The following ERCC8 variants were observed in gnomAD, a reference collection of about 807,000 sequenced individuals.
ERCC8 encodes the protein DNA excision repair protein ERCC-8.
ERCC8 carries 52 observed loss-of-function variants against 54.9 expected under a neutral mutation model. The ratio of observed to expected loss-of-function variants is 0.95; its 90% CI spans 0.76 to 1.19. The LOEUF (loss-of-function observed/expected upper bound fraction) is 1.19. Among genes scored for constraint, ERCC8 ranks in the 50% most tolerant of loss-of-function variants. ERCC8 has a pLI of 0.00. For synonymous variants in ERCC8, 146 were observed against 157.2 expected (o/e 0.93, Z 0.53); for missense variants, 514 against 466.1 (o/e 1.10, Z -0.95).
chr5:60,887,996 T>C (rs1242939787), intron 10 of ERCC8, among the ~76,000 whole-genome samples: 1 of 152,200 alleles, frequency 6.6e-6, no homozygotes, highest in Non-Finnish European at 1.5e-5. Flanking sequence ...GTATATCCCA[T>C]GCCTGTTGAG....
intron 2 of ERCC8, among the ~76,000 whole-genome samples, chr5:60,927,580 T>C (rs1009538494): frequency 5.3e-5 from 8 of 152,228 alleles, no homozygotes; most frequent in Non-Finnish European, 1.2e-4. Flanking sequence ...CTCTGCCAAC[T>C]GGTAGTCTAC....
At chr5:60,926,750 T>C (rs1037435396) in intron 2 of ERCC8, among the ~76,000 whole-genome samples, 1 of 152,234 alleles carries the variant, frequency 6.6e-6, no homozygotes, top group Non-Finnish European at 1.5e-5. Flanking sequence ...CAAAACACTT[T>C]TGCTTCGTAA....
rs57423118 is a variant in ERCC8, at chr5:60,870,482, T to TAAAAAA, written c.*4127_*4132dup. ...CAACATGGTGAAACCCCACCTCTGC[T>TAAAAAA]AAAAAAAAAAAAAAAAAAAAAAAAA... is the stretch of plus-strand genomic sequence containing the variant. On this transcript the variant is annotated 3_prime_UTR_variant, in exon 12 of 12. Transcript: ENST00000676185. 6.4e-3 allele frequency among the ~76,000 whole-genome samples: 311 copies of TAAAAAA among 48,762 alleles called. 17 individuals carry two copies. Among genetic ancestry groups the TAAAAAA allele is most frequent in the Non-Finnish European group, 8.3e-3 (242 of 29,318 alleles). The allele number at this position is 48,762 out of a possible 152,430, so 32.0% of individuals were successfully genotyped here.
At chr5:60,914,540 C>T (rs773583014) in intron 4 of ERCC8, among the ~76,000 whole-genome samples, 4 of 151,642 alleles carry the variant, frequency 2.6e-5, no homozygotes, top group Non-Finnish European at 5.9e-5. Context: ...CTTGTAATCC[C>T]AACACTTTCA....
At chr5:60,942,682 A>C (rs1341340468) in intron 1 of ERCC8, among the ~76,000 whole-genome samples, 2 of 152,156 alleles carry the variant, frequency 1.3e-5, no homozygotes, top group African/African-American at 4.8e-5. Flanking sequence ...ACCGTCAAAA[A>C]TTTTTTAGGG....
chr5:60,939,685 G>A (rs1254773852), intron 1 of ERCC8, among the ~76,000 whole-genome samples: 1 of 151,936 alleles, frequency 6.6e-6, no homozygotes, highest in South Asian at 2.1e-4. Flanking sequence ...TAGTAGAGAT[G>A]GGGTTTTGCC....
intron 10 of ERCC8, among the ~76,000 whole-genome samples, chr5:60,889,878 C>A (rs777488186): frequency 1.3e-5 from 2 of 152,050 alleles, no homozygotes; most frequent in Non-Finnish European, 2.9e-5. Context: ...ATGGGATATA[C>A]CTTCTTATTG....
chr5:60,874,551 T>A lies in ERCC8; in HGVS notation c.*64A>T. The A allele has an allele frequency of 7.0e-7, 1 of 1,424,574 alleles. No homozygotes were observed. Among genetic ancestry groups the A allele is most frequent in the East Asian group, 2.3e-5 (1 of 43,844 alleles). 88.2% of individuals were successfully genotyped at this position (1,424,574 alleles called of 1,614,324 possible). A position where few individuals can be genotyped will look rare whatever the true frequency, so the allele number is the denominator to read the frequency against. On this transcript the variant is annotated 3_prime_UTR_variant, in exon 12 of 12. Coordinates refer to ENST00000676185, the MANE Select transcript of ERCC8 (RefSeq NM_000082.4). ...TAGCTGTCAGGAATAGACCATACAG[T>A]TGAAAAAAACACAGTCTCATTTAAA...
chr5:60,930,758 AT>A (rs1395631376), intron 1 of ERCC8, among the ~76,000 whole-genome samples: 1 of 152,054 alleles, frequency 6.6e-6, no homozygotes, highest in East Asian at 1.9e-4. Context: ...AGGTTTAAAT[AT>A]CCAGACAAAC....
chr5:60,874,546 T>C lies in ERCC8; in HGVS notation c.*69A>G. The C allele has an allele frequency of 5.9e-6, 8 of 1,352,942 alleles. No homozygotes were observed. The highest frequency in any genetic ancestry group is 1.2e-5 in the South Asian group (1 of 82,452). 83.8% of individuals were successfully genotyped at this position (1,352,942 alleles called of 1,614,324 possible). A position where few individuals can be genotyped will look rare whatever the true frequency, so the allele number is the denominator to read the frequency against. Reference sequence around the variant, plus strand: ...TAATTTAGCTGTCAGGAATAGACCATACAGTTGAAAAAAACACAGTCTCAT... The same window carrying C: ...TAATTTAGCTGTCAGGAATAGACCACACAGTTGAAAAAAACACAGTCTCAT... On this transcript the variant is annotated 3_prime_UTR_variant, in exon 12 of 12. Transcript: ENST00000676185.
At chr5:60,881,162 A>G (rs7445953) in intron 11 of ERCC8, among the ~76,000 whole-genome samples, 129,550 of 152,098 alleles carry the variant, frequency 0.85, 55,631 homozygotes, top group African/African-American at 0.96. Flanking sequence ...CAGCTCAGAG[A>G]CTGCAGAACA....
intron 2 of ERCC8, among the ~76,000 whole-genome samples, chr5:60,926,504 T>C (rs910887188): frequency 1.3e-5 from 2 of 152,212 alleles, no homozygotes; most frequent in Non-Finnish European, 2.9e-5. Context: ...AATTTAAAAG[T>C]AGTTATTTGA....
chr5:60,944,727 A>ACCCCC (rs576875901), intron 1 of ERCC8, among the ~76,000 whole-genome samples: 1 of 104,534 alleles, frequency 9.6e-6, no homozygotes, highest in Non-Finnish European at 1.9e-5. Flanking sequence ...CCCCCGGGGA[A>ACCCCC]CCCCCCCCAC....
At chr5:60,896,049 T>C (rs193279626) in intron 9 of ERCC8, among the ~76,000 whole-genome samples, 2 of 151,940 alleles carry the variant, frequency 1.3e-5, no homozygotes, top group Admixed American at 1.3e-4. Flanking sequence ...TGCAATGGCA[T>C]GCTCTCGGCT....
At chr5:60,940,109 T>A in intron 1 of ERCC8, among the ~76,000 whole-genome samples, 1 of 152,340 alleles carries the variant, frequency 6.6e-6, no homozygotes, top group Middle Eastern at 3.4e-3. Context: ...TCATTTTCAT[T>A]ACTGGTCTTT....
At chr5:60,924,460 T>G (rs981770604) in intron 2 of ERCC8, 7 of 154,710 alleles carry the variant, frequency 4.5e-5, no homozygotes, top group African/African-American at 1.7e-4. Flanking sequence ...TATAAAATCC[T>G]TGACTCACAT....
chr5:60,918,464 A>G, intron 3 of ERCC8, 76 bp from the exon 4 acceptor site: 2 of 1,306,650 alleles, frequency 1.5e-6, no homozygotes, highest in South Asian at 2.4e-5. Context: ...AAGAACAAGT[A>G]GTAGTCTCAG....
chr5:60,891,583 T>C (rs1181287078), intron 9 of ERCC8, among the ~76,000 whole-genome samples: 1 of 151,446 alleles, frequency 6.6e-6, no homozygotes, highest in Non-Finnish European at 1.5e-5. Flanking sequence ...TTGGGGCTAA[T>C]ACCCCCCAAA....
At chr5:60,902,664 T>C (rs1170213517) in intron 6 of ERCC8, among the ~76,000 whole-genome samples, 156 bp from the exon 7 acceptor site, 3 of 152,048 alleles carry the variant, frequency 2.0e-5, no homozygotes, top group African/African-American at 7.2e-5. Flanking sequence ...GATGTTTCAA[T>C]GCTAATGTGA....
Sources: allele counts gnomAD v4.1 joint callset (sites outside exome capture counted in the v4.1 genomes callset), GRCh38; gene constraint gnomAD v4.1.1; transcripts MANE v1.5; gene names NCBI Gene and HGNC (gene_info 2026-07-23, HGNC 2026-07-21).